Variants in RPH3AL observed in about 807,000 individuals in gnomAD.
RPH3AL encodes the protein rabphilin 3A like (without C2 domains), also known as rab effector Noc2.
Under a neutral mutation model 43.1 loss-of-function variants are expected in RPH3AL, and 38 were observed. That is an observed-to-expected ratio of 0.88 (90% CI 0.68 to 1.15). RPH3AL has a LOEUF of 1.15. RPH3AL is among the 50% of genes most tolerant of loss of function. The pLI, the probability that RPH3AL is intolerant of heterozygous loss-of-function variation, is 0.00. For missense variants in RPH3AL, 462 were observed against 423.2 expected (o/e 1.09, Z -0.81); for synonymous variants, 189 against 176.3 (o/e 1.07, Z -0.57).
rs943418937 is a variant in RPH3AL, at chr17:322,028, G to A, written c.78-613C>T. ...AGGAAAGCCATGTAATTAGGGTGAA[G>A]ACACAGCGTTGATATGAACACTTTG... On this transcript the variant is annotated intron_variant, in intron 3 of 9. Transcript: ENST00000331302. The surrounding 1 kb of genome is among the most constrained non-coding windows in gnomAD (Gnocchi z 4.0). Among the ~76,000 whole-genome samples, 6 of 152,208 alleles carry A rather than the reference G, an allele frequency of 3.9e-5. No homozygotes were observed. Among genetic ancestry groups the A allele is most frequent in the African/African-American group, 1.4e-4 (6 of 41,458 alleles).
At chr17:253,091 C>G (rs1272319713) in intron 6 of RPH3AL, among the ~76,000 whole-genome samples, 1 of 152,174 alleles carries the variant, frequency 6.6e-6, no homozygotes, top group African/African-American at 2.4e-5. Flanking sequence ...TCTGTGGACC[C>G]TGATCGGGGA....
At chr17:268,998 C>G (rs976848817) in intron 6 of RPH3AL, among the ~76,000 whole-genome samples, 1 of 152,184 alleles carries the variant, frequency 6.6e-6, no homozygotes, top group Non-Finnish European at 1.5e-5. Flanking sequence ...CCTGCCTCAG[C>G]CTCCCGAGTA....
intron 1 of RPH3AL, among the ~76,000 whole-genome samples, chr17:351,973 T>A (rs990346541): frequency 1.3e-5 from 2 of 152,196 alleles, no homozygotes; most frequent in Non-Finnish European, 2.9e-5. Context: ...GTACAGGCCG[T>A]GCTTACATCC....
At chr17:284,790 GA>G (rs1598011796) in intron 5 of RPH3AL, among the ~76,000 whole-genome samples, 1 of 152,246 alleles carries the variant, frequency 6.6e-6, no homozygotes, top group Non-Finnish European at 1.5e-5. Flanking sequence ...CTGAGTGGCT[GA>G]AACAACAGAA....
chr17:235,931 C>T lies in RPH3AL; in HGVS notation c.613+11180G>A, dbSNP rs112285659. ...TCAAAGCTGGGGTCGGCCGAGGCTC[C>T]GCACTAACAAGACAGATCCAGGGTT... On this transcript the variant is annotated intron_variant, in intron 7 of 9. Transcript: ENST00000331302. Among the ~76,000 whole-genome samples the T allele has an allele frequency of 7.6e-3, 806 of 105,360 alleles. 6 individuals carry two copies. Among genetic ancestry groups the T allele is most frequent in the South Asian group, 0.013 (48 of 3,600 alleles). 69.1% of individuals were successfully genotyped at this position (105,360 alleles called of 152,430 possible).
At chr17:268,565 T>TG (rs1555548901) in intron 6 of RPH3AL, among the ~76,000 whole-genome samples, 6 of 134,162 alleles carry the variant, frequency 4.5e-5, no homozygotes, top group East Asian at 4.2e-4. Flanking sequence ...TTTTTTTTTT[T>TG]TTTTTTTTTT....
chr17:238,688 T>C (rs558197438), intron 7 of RPH3AL, among the ~76,000 whole-genome samples: 1 of 152,316 alleles, frequency 6.6e-6, no homozygotes, highest in East Asian at 1.9e-4. Flanking sequence ...GAAAAAGATG[T>C]ACTCTTTCGC....
At chr17:247,324 A>C in intron 6 of RPH3AL, 39 bp from the exon 7 acceptor site, 4 of 1,516,556 alleles carry the variant, frequency 2.6e-6, no homozygotes, top group Non-Finnish European at 3.5e-6. Flanking sequence ...CACAGGACGC[A>C]GAGGAGCCTC....
At chr17:302,117 G>A (rs2043344039) in intron 5 of RPH3AL, among the ~76,000 whole-genome samples, 1 of 152,258 alleles carries the variant, frequency 6.6e-6, no homozygotes, top group South Asian at 2.1e-4. Context: ...ACAGAGGCGA[G>A]AGCTTCGGCT....
chr17:267,381 G>T (rs754830591), intron 6 of RPH3AL, among the ~76,000 whole-genome samples: 11 of 152,250 alleles, frequency 7.2e-5, no homozygotes, highest in Admixed American at 5.2e-4. Flanking sequence ...GACGGAGTGG[G>T]CTGCATGCAG....
At chr17:273,023 A>AGAGACCCCAGCGCGGGTGACTTCAGGGT (rs2042537261) in intron 6 of RPH3AL, among the ~76,000 whole-genome samples, 1 of 83,622 alleles carries the variant, frequency 1.2e-5, no homozygotes. Context: ...GACATCAGGA[A>AGAGACCCCAGCGCGGGTGACTTCAGGGT]GAGACCCCAG....
chr17:332,713 C>A (rs4074372), intron 2 of RPH3AL: 4 of 251,142 alleles, frequency 1.6e-5, no homozygotes, highest in Non-Finnish European at 3.3e-5. Flanking sequence ...ACGGGGTAGT[C>A]GGCCTCAAGG....
intron 6 of RPH3AL, among the ~76,000 whole-genome samples, chr17:265,327 C>A (rs755488080): frequency 1.7e-4 from 26 of 152,212 alleles, no homozygotes; most frequent in Non-Finnish European, 3.1e-4. Context: ...GACTCCTATA[C>A]TCAAGCGATC....
At position 323,314 on chromosome 17, in the gene RPH3AL, C is replaced by T. The variant is rs945268304; in HGVS notation, c.78-1899G>A. Among the ~76,000 whole-genome samples the T allele has an allele frequency of 8.6e-5, 13 of 151,852 alleles. No individual in the cohort carries two copies. The highest frequency in any genetic ancestry group is 1.9e-4 in the East Asian group (1 of 5,178). Reference sequence around the variant, plus strand: ...ACCAACGCTTTCCAAGCAGTGCTCACGGTGCTGGGGAAGGAAAATACCGGG... The same window carrying T: ...ACCAACGCTTTCCAAGCAGTGCTCATGGTGCTGGGGAAGGAAAATACCGGG... On this transcript the variant is annotated intron_variant, in intron 3 of 9. Coordinates refer to ENST00000331302, the MANE Select transcript of RPH3AL (RefSeq NM_006987.4). This position sits in a 1 kb window ranked among gnomAD's most constrained non-coding sequence, Gnocchi z 4.4.
chr17:345,086 T>A (rs577622018), intron 1 of RPH3AL, among the ~76,000 whole-genome samples: 1 of 134,368 alleles, frequency 7.4e-6, no homozygotes, highest in South Asian at 2.4e-4. Flanking sequence ...CTGGGCAACA[T>A]GGTGAAACCT....
At chr17:253,492 C>T (rs12451029) in intron 6 of RPH3AL, among the ~76,000 whole-genome samples, 43,280 of 152,100 alleles carry the variant, frequency 0.28, 6,427 homozygotes, top group Non-Finnish European at 0.32. Context: ...CGGGTATGCG[C>T]AATCCTTTTT....
chr17:282,305 G>A (rs1008618060), intron 5 of RPH3AL, among the ~76,000 whole-genome samples: 13 of 152,318 alleles, frequency 8.5e-5, no homozygotes, highest in African/African-American at 2.4e-4. Flanking sequence ...CTGCGTGTCC[G>A]ACAGGTCAGA....
At chr17:340,310 C>T (rs184663812) in intron 1 of RPH3AL, among the ~76,000 whole-genome samples, 114 of 151,912 alleles carry the variant, frequency 7.5e-4, no homozygotes, top group Middle Eastern at 3.4e-3. Flanking sequence ...CAGACAAACA[C>T]ACACCTGGTG....
intron 5 of RPH3AL, among the ~76,000 whole-genome samples, chr17:317,845 A>G (rs73284691): frequency 0.097 from 14,690 of 151,938 alleles, 1,514 homozygotes; most frequent in African/African-American, 0.26. Context: ...CATGTTCCAC[A>G]TCCACATTTA....
Sources: allele counts gnomAD v4.1 joint callset (sites outside exome capture counted in the v4.1 genomes callset), GRCh38; gene constraint gnomAD v4.1.1; non-coding constraint Gnocchi (gnomAD v3.1); transcripts MANE v1.5; gene names NCBI Gene and HGNC (gene_info 2026-07-23, HGNC 2026-07-21).